CYTH3: variants seen among roughly 807,000 people sequenced by gnomAD.
CYTH3 encodes the protein cytohesin-3.
CYTH3 carries 23 observed loss-of-function variants against 55.1 expected under a neutral mutation model. The ratio of observed to expected loss-of-function variants is 0.42; its 90% CI spans 0.30 to 0.59. CYTH3 has a LOEUF of 0.59. Among genes scored for constraint, CYTH3 ranks in the 20% least tolerant of loss-of-function variants. CYTH3 has a pLI of 0.20. For missense variants in CYTH3, 413 were observed against 524.8 expected (o/e 0.79, Z 2.08); for synonymous variants, 249 against 194.9 (o/e 1.28, Z -2.31).
intron 1 of CYTH3, among the ~76,000 whole-genome samples, chr7:6,222,637 C>G (rs1784577678): frequency 6.6e-6 from 1 of 151,796 alleles, no homozygotes; most frequent in South Asian, 2.1e-4. Context: ...GTCCCAGCTA[C>G]TCGGGAGGCT....
intron 1 of CYTH3, among the ~76,000 whole-genome samples, chr7:6,198,093 A>AGAAAAAAAAAAAAAAAAAG (rs1783977448): frequency 6.7e-6 from 1 of 149,572 alleles, no homozygotes; most frequent in African/African-American, 2.5e-5. Context: ...GACACTCTTA[A>AGAAAAAAAAAAAAAAAAAG]GAAAAAAAAA....
chr7:6,178,527 C>T lies in CYTH3; in HGVS notation c.250-586G>A, dbSNP rs557686582. 2.4e-3 allele frequency among the ~76,000 whole-genome samples: 358 copies of T among 152,338 alleles called. 1 individual carries two copies. The highest frequency in any genetic ancestry group is 3.4e-3 in the Non-Finnish European group (234 of 68,028). ...AAGGAGCCCATGAGCCAGCACTGCTCTTCCTCCTCCTTTCTGCCTTGAACA... is the reference window on the plus strand; with the variant it reads ...AAGGAGCCCATGAGCCAGCACTGCTTTTCCTCCTCCTTTCTGCCTTGAACA... On this transcript the variant is annotated intron_variant, in intron 4 of 12. Coordinates refer to ENST00000350796, the MANE Select transcript of CYTH3 (RefSeq NM_004227.4).
In CYTH3 at chr7:6,165,404, G is replaced by A. The variant is rs1782966071; in HGVS notation, c.996C>T (p.Pro332=). Residue 332 remains proline (P), a synonymous_variant, in exon 12 of 13, where the codon CCC becomes CCT. Transcript: ENST00000350796. ...CCTTGATGACCTGCCCTTTGTGGCT[G>A]GGATTGTAGAGCTCAAAACAGTTCT... is the stretch of plus-strand genomic sequence containing the variant. ...RKPNCFELYN[P]SHKGQVIKAC... 6 of 1,613,794 alleles carry A rather than the reference G, an allele frequency of 3.7e-6. No individual in the cohort carries two copies. The highest frequency in any genetic ancestry group is 5.1e-6 in the Non-Finnish European group (6 of 1,179,908).
At chr7:6,187,221 C>A in intron 3 of CYTH3, 105 bp from the exon 4 acceptor site, 2 of 1,256,620 alleles carry the variant, frequency 1.6e-6, no homozygotes, top group South Asian at 2.5e-5. Flanking sequence ...CTCAAGGAAG[C>A]GAAGCACAGG....
chr7:6,256,404 C>A lies in CYTH3; in HGVS notation c.34+16070G>T, dbSNP rs541251269. The stretch of plus-strand genomic sequence containing the variant: ...GGACTTCTCTCTGAAGACACAAATT[C>A]TTTGCTCCCCTTTACAGGTATAACA... On this transcript the variant is annotated intron_variant, in intron 1 of 12. Transcript: ENST00000350796. Among the ~76,000 whole-genome samples the A allele has an allele frequency of 1.0e-3, 156 of 152,354 alleles. 1 individual carries two copies. The highest frequency in any genetic ancestry group is 1.9e-3 in the Non-Finnish European group (129 of 68,036).
At chr7:6,240,607 G>A (rs1779648400) in intron 1 of CYTH3, among the ~76,000 whole-genome samples, 1 of 152,106 alleles carries the variant, frequency 6.6e-6, no homozygotes, top group African/African-American at 2.4e-5. Context: ...TTTAATAACT[G>A]GTGTTGGGAC....
chr7:6,204,517 C>G (rs936985054), intron 1 of CYTH3, among the ~76,000 whole-genome samples: 3 of 152,194 alleles, frequency 2.0e-5, no homozygotes, highest in South Asian at 2.1e-4. Context: ...TTTTCTGCAA[C>G]AGCTTTCTAT....
intron 1 of CYTH3, among the ~76,000 whole-genome samples, chr7:6,235,131 T>C (rs181078635): frequency 1.4e-3 from 211 of 152,294 alleles, no homozygotes; most frequent in African/African-American, 4.9e-3. Context: ...ACTTATCCTT[T>C]AAGGCTCGAT....
chr7:6,192,565 C>T (rs1376274927), intron 1 of CYTH3, among the ~76,000 whole-genome samples: 1 of 140,622 alleles, frequency 7.1e-6, no homozygotes, highest in Non-Finnish European at 1.5e-5. Context: ...CAGAGTCTCG[C>T]TCTGTCGCCA....
chr7:6,187,609 TAGAA>T, intron 3 of CYTH3, 44 bp downstream of exon 3: 7 of 1,518,862 alleles, frequency 4.6e-6, no homozygotes, highest in Non-Finnish European at 6.4e-6. Context: ...AGGATGGAGG[TAGAA>T]AGAAAAGAGT....
In CYTH3 at chr7:6,177,885, G is replaced by A. The variant is rs1023566058; in HGVS notation, c.306C>T (p.Ala102=). 2 of 1,614,120 alleles carry A rather than the reference G, an allele frequency of 1.2e-6. No individual in the cohort carries two copies. The highest frequency in any genetic ancestry group is 1.7e-6 in the Non-Finnish European group (2 of 1,179,990). ...GGCCTTCTCCTTTATAAAGGAACTG[G>A]GCGACGTCTTCTGGGGAACTCTGTA... The part of the protein sequence containing the change: ...DLLQSSPEDV[A]QFLYKGEGLN... The change falls in exon 5 of 13, where the codon GCC becomes GCT. Residue 102 remains alanine, a synonymous_variant. Coordinates refer to ENST00000350796, the MANE Select transcript of CYTH3 (RefSeq NM_004227.4).
rs1241186754 is a variant in CYTH3 at position 6,259,760 on chromosome 7, T to C, written c.34+12714A>G. ...ATATATATAATATATATATATATTA[T>C]ATATATATATATTATATATATATAA... On this transcript the variant is annotated intron_variant, in intron 1 of 12. Coordinates refer to ENST00000350796, the MANE Select transcript of CYTH3 (RefSeq NM_004227.4). Among the ~76,000 whole-genome samples the C allele has an allele frequency of 2.3e-4, 6 of 25,904 alleles. 2 individuals carry two copies. Among genetic ancestry groups the C allele is most frequent in the African/African-American group, 1.5e-3 (4 of 2,688 alleles). The allele number at this position is 25,904 out of a possible 152,430, so 17.0% of individuals were successfully genotyped here.
intron 3 of CYTH3, 119 bp downstream of exon 3, chr7:6,187,538 C>G: frequency 2.2e-6 from 2 of 899,636 alleles, no homozygotes; most frequent in Non-Finnish European, 3.7e-6. Flanking sequence ...GAGGAATTAA[C>G]AACTCCACAG....
intron 1 of CYTH3, among the ~76,000 whole-genome samples, chr7:6,240,812 G>A (rs551975652): frequency 3.9e-5 from 6 of 152,110 alleles, no homozygotes; most frequent in South Asian, 4.1e-4. Flanking sequence ...CATAATTTAG[G>A]TGTGAAAAAA....
chr7:6,253,518 C>T (rs192562536), intron 1 of CYTH3, among the ~76,000 whole-genome samples: 74 of 151,950 alleles, frequency 4.9e-4, no homozygotes, highest in African/African-American at 1.7e-3. Context: ...CACCAAAACA[C>T]ATTTTAAAAT....
intron 1 of CYTH3, among the ~76,000 whole-genome samples, chr7:6,261,518 C>A (rs568381801): frequency 6.6e-6 from 1 of 151,962 alleles, no homozygotes; most frequent in East Asian, 1.9e-4. Context: ...AGTTCAAGAC[C>A]AGTCTGGGAA....
At chr7:6,191,456 T>C (rs922013308) in intron 1 of CYTH3, among the ~76,000 whole-genome samples, 6 of 152,160 alleles carry the variant, frequency 3.9e-5, no homozygotes, top group Admixed American at 6.5e-5. Flanking sequence ...TAAAAGCAGA[T>C]TGTATGTTAT....
At chr7:6,264,392 A>G (rs533962621) in intron 1 of CYTH3, among the ~76,000 whole-genome samples, 2 of 152,306 alleles carry the variant, frequency 1.3e-5, no homozygotes, top group African/African-American at 4.8e-5. Flanking sequence ...CGGGTGGATC[A>G]TTTGCGGTCA....
At chr7:6,209,563 C>T (rs1416118134) in intron 1 of CYTH3, among the ~76,000 whole-genome samples, 1 of 152,214 alleles carries the variant, frequency 6.6e-6, no homozygotes, top group Non-Finnish European at 1.5e-5. Context: ...TTGGCAGTTT[C>T]TCTCCAAGCT....
Sources: gnomAD v4.1 joint callset for allele counts (sites outside exome capture counted in the v4.1 genomes callset) on GRCh38, gnomAD v4.1.1 for gene constraint, MANE v1.5 for transcripts, NCBI Gene and HGNC (gene_info 2026-07-23, HGNC 2026-07-21) for gene names.